GFPT2: variants seen among roughly 807,000 people sequenced by gnomAD.
The protein encoded by GFPT2 is glutamine--fructose-6-phosphate aminotransferase [isomerizing] 2.
A neutral mutation model predicts 85.6 loss-of-function variants in GFPT2; 62 were observed. That is an observed-to-expected ratio of 0.72 (90% CI 0.59 to 0.90). The LOEUF is 0.90. Among genes scored for constraint, GFPT2 ranks in the 40% least tolerant of loss-of-function variants. The pLI is 0.00. For missense variants in GFPT2, 788 were observed against 893.4 expected, an observed-to-expected ratio of 0.88 and a Z score of 1.50; for synonymous variants, 368 against 344.5, an observed-to-expected ratio of 1.07 and a Z score of -0.75.
At chr5:180,313,772 C>A (rs1225085740) in intron 14 of GFPT2, 35 bp downstream of exon 14, 11 of 1,521,212 alleles carry the variant, frequency 7.2e-6, no homozygotes, top group Non-Finnish European at 9.7e-6. Flanking sequence ...CTCCGCCAGG[C>A]TCTCCCTGGG....
intron 9 of GFPT2, among the ~76,000 whole-genome samples, chr5:180,321,873 T>A (rs1764129305): frequency 1.3e-5 from 2 of 152,160 alleles, no homozygotes; most frequent in Admixed American, 1.3e-4. Flanking sequence ...AAGCTCCGCC[T>A]CCCGGGTTCA....
At position 180,318,193 on chromosome 5, in the gene GFPT2, G is replaced by A. The variant is rs956763381; in HGVS notation, c.958+600C>T. The stretch of plus-strand genomic sequence containing the variant: ...CTGTGGCGGGGCACAGTGGGACAGA[G>A]GGTTGAGTGTGGTGGGGCCAGGCTT... On this transcript the variant is annotated intron_variant, in intron 10 of 18. Coordinates refer to ENST00000253778, the MANE Select transcript of GFPT2 (RefSeq NM_005110.4). This position sits in a 1 kb window ranked among gnomAD's most constrained non-coding sequence, Gnocchi z 4.2. Among the ~76,000 whole-genome samples the A allele has an allele frequency of 3.9e-5, 6 of 152,102 alleles. No individual in the cohort carries two copies. The highest frequency in any genetic ancestry group is 9.7e-5 in the African/African-American group (4 of 41,424).
chr5:180,309,713 C>T (rs1763841849), intron 15 of GFPT2, among the ~76,000 whole-genome samples: 1 of 151,704 alleles, frequency 6.6e-6, no homozygotes, highest in South Asian at 2.1e-4. Context: ...CGCCTGGCCC[C>T]AGTAGAAAGG....
chr5:180,312,767 T>C (rs760482281), intron 14 of GFPT2, among the ~76,000 whole-genome samples: 8 of 151,872 alleles, frequency 5.3e-5, no homozygotes, highest in Non-Finnish European at 1.0e-4. Context: ...GTTTTATTTA[T>C]CTATTTATTT....
At chr5:180,314,275 C>T (rs1763959999) in intron 13 of GFPT2, among the ~76,000 whole-genome samples, 1 of 152,164 alleles carries the variant, frequency 6.6e-6, no homozygotes, top group Non-Finnish European at 1.5e-5. Context: ...CAAAGCCATA[C>T]AGCTGGTGAC....
chr5:180,327,491 A>T (rs1158742964), intron 7 of GFPT2, among the ~76,000 whole-genome samples: 1 of 152,126 alleles, frequency 6.6e-6, no homozygotes, highest in Non-Finnish European at 1.5e-5. Flanking sequence ...GCTACCTGCC[A>T]TTGCCCCCCT....
rs1561873274 is a variant in GFPT2, at chr5:180,312,027, C to CT, written c.1546+402_1546+403insA. Among the ~76,000 whole-genome samples the CT allele has an allele frequency of 2.9e-4, 18 of 62,124 alleles. 1 individual carries two copies. Among genetic ancestry groups the CT allele is most frequent in the Non-Finnish European group, 9.8e-5 (3 of 30,726 alleles). The allele number at this position is 62,124 out of a possible 152,430, so 40.8% of individuals were successfully genotyped here. A position where few individuals can be genotyped will look rare whatever the true frequency, so the allele number is the denominator to read the frequency against. On this transcript the variant is annotated intron_variant, in intron 15 of 18. Transcript: ENST00000253778. ...GCTGAGGGGCAGGGAGGCAGGGAGG[C>CT]GGGGAGGTGGGGAGGCTGAGGGGCA...
At chr5:180,317,641 C>T (rs1764039025) in intron 10 of GFPT2, among the ~76,000 whole-genome samples, 1 of 140,080 alleles carries the variant, frequency 7.1e-6, no homozygotes, top group Non-Finnish European at 1.5e-5. Context: ...CGCCTGTAGT[C>T]CCAGCTACTT....
rs547370885 is a variant in GFPT2 at position 180,353,134 on chromosome 5, C to T, written c.7+77G>A. The T allele has an allele frequency of 1.3e-5, 15 of 1,177,070 alleles. No individual in the cohort carries two copies. In the African/African-American group the frequency reaches 1.7e-4, roughly 14 times the overall value. The allele number at this position is 1,177,070 out of a possible 1,614,324, so 72.9% of individuals were successfully genotyped here. A position where few individuals can be genotyped will look rare whatever the true frequency, so the allele number is the denominator to read the frequency against. On this transcript the variant is annotated intron_variant, in intron 1 of 18. Transcript: ENST00000253778. ...CAGGTCCTCGGCGCCTGCTTGCGGG[C>T]GGAGGCGCGGAGAGGCTGCGGCGCC...
chr5:180,304,607 CT>C (rs1763740159), intron 17 of GFPT2, among the ~76,000 whole-genome samples, 164 bp downstream of exon 17: 1 of 152,240 alleles, frequency 6.6e-6, no homozygotes, highest in Non-Finnish European at 1.5e-5. Flanking sequence ...TGACCAGCTC[CT>C]TTCCAAGTGT....
At chr5:180,334,334 G>A (rs1274315428) in intron 4 of GFPT2, among the ~76,000 whole-genome samples, 1 of 152,196 alleles carries the variant, frequency 6.6e-6, no homozygotes, top group Non-Finnish European at 1.5e-5. Context: ...AGCTGGTGAG[G>A]CCCTGCAGAG....
intron 1 of GFPT2, chr5:180,352,339 GAAAAAAAAAAA>G (rs34831746): frequency 8.7e-6 from 3 of 345,740 alleles, no homozygotes; most frequent in Non-Finnish European, 1.6e-5. Context: ...CCTACTCAAG[GAAAAAAAAAAA>G]AAAAAAAAAG....
At chr5:180,305,070 A>G in intron 16 of GFPT2, 131 bp from the exon 17 acceptor site, 1 of 693,382 alleles carries the variant, frequency 1.4e-6, no homozygotes. Flanking sequence ...CAAGGCAGAC[A>G]GATGCCTGGA....
intron 4 of GFPT2, among the ~76,000 whole-genome samples, chr5:180,333,320 C>T (rs1347543028): frequency 1.3e-5 from 2 of 152,016 alleles, no homozygotes; most frequent in African/African-American, 4.8e-5. Flanking sequence ...CTGCAAGCTC[C>T]GCCTCCCAGG....
At position 180,323,472 on chromosome 5, in the gene GFPT2, C is replaced by G. The variant is rs1764159531; in HGVS notation, c.794+716G>C. 6.6e-6 allele frequency among the ~76,000 whole-genome samples: 1 copy of G among 152,010 alleles called. No individual in the cohort carries two copies. The highest frequency in any genetic ancestry group is 2.1e-4 in the South Asian group (1 of 4,810). The stretch of plus-strand genomic sequence containing the variant: ...AGCCTTTGGGTCTTTGAAGAAGGTA[C>G]CAGAGGTGATTACAGCAGTTTTCTA... On this transcript the variant is annotated intron_variant, in intron 9 of 18. Coordinates refer to ENST00000253778, the MANE Select transcript of GFPT2 (RefSeq NM_005110.4). This position sits in a 1 kb window ranked among gnomAD's most constrained non-coding sequence, Gnocchi z 4.0.
At position 180,317,020 on chromosome 5, in the gene GFPT2, G is replaced by T. The variant is rs377052866; in HGVS notation, c.997C>A (p.Gln333Lys). The change falls in exon 11 of 19, where the codon CAG becomes AAG. Residue 333 changes from glutamine to lysine, a missense_variant. Transcript: ENST00000253778. ...ATAGTATTGAAAACTGATTCTGGCT[G>T]TTCGAAGATCTCCTTCTGCATAAAC... is the stretch of plus-strand genomic sequence containing the variant. ...SAFMQKEIFE[Q>K]PESVFNTMRG... The T allele has an allele frequency of 1.2e-6, 2 of 1,611,614 alleles. No individual in the cohort carries two copies. Among genetic ancestry groups the T allele is most frequent in the Non-Finnish European group, 8.5e-7 (1 of 1,177,748 alleles).
intron 3 of GFPT2, 124 bp downstream of exon 3, chr5:180,336,355 C>T: frequency 1.3e-6 from 1 of 744,474 alleles, no homozygotes; most frequent in South Asian, 1.5e-5. Context: ...ACGGGCTTAG[C>T]CCTCCCTCTG....
At chr5:180,322,414 T>C (rs1414058628) in intron 9 of GFPT2, among the ~76,000 whole-genome samples, 2 of 152,260 alleles carry the variant, frequency 1.3e-5, no homozygotes, top group Non-Finnish European at 2.9e-5. Context: ...AAATATGTTC[T>C]AGAGTATTTT....
At position 180,343,258 on chromosome 5, in the gene GFPT2, C is replaced by T. The variant is rs115338093; in HGVS notation, c.8-4658G>A. 4.7e-3 allele frequency among the ~76,000 whole-genome samples: 717 copies of T among 152,324 alleles called. 7 individuals are homozygous for T. Among genetic ancestry groups the T allele is most frequent in the African/African-American group, 0.016 (670 of 41,566 alleles). On this transcript the variant is annotated intron_variant, in intron 1 of 18. Transcript: ENST00000253778. ...CCCTGCAGCTCCCCCACCTCCCAGC[C>T]ACACTTCACTCCTGCACACGTCAGG...
Sources: gnomAD v4.1 joint callset for allele counts (sites outside exome capture counted in the v4.1 genomes callset) on GRCh38, gnomAD v4.1.1 for gene constraint, Gnocchi (gnomAD v3.1) non-coding constraint, MANE v1.5 for transcripts, NCBI Gene and HGNC (gene_info 2026-07-23, HGNC 2026-07-21) for gene names.